THRB: variants seen among roughly 807,000 people sequenced by gnomAD.
THRB encodes thyroid hormone receptor beta.
A neutral mutation model predicts 47.8 loss-of-function variants in THRB; 12 were observed. The observed-to-expected ratio is 0.25, with a 90% CI of 0.16 to 0.41. The LOEUF (loss-of-function observed/expected upper bound fraction) is 0.41, where lower values mean the gene tolerates loss of function less well. THRB is among the 10% of genes least tolerant of loss of function. The pLI, the probability that THRB is intolerant of heterozygous loss-of-function variation, is 1.00. For missense variants in THRB, 348 were observed against 589.2 expected, an observed-to-expected ratio of 0.59 and a Z score of 4.24; for synonymous variants, 218 against 212.2, an observed-to-expected ratio of 1.03 and a Z score of -0.24.
At chr3:24,138,552 T>C (rs1414086282) in intron 8 of THRB, among the ~76,000 whole-genome samples, 1 of 152,134 alleles carries the variant, frequency 6.6e-6, no homozygotes, top group Admixed American at 6.5e-5. Context: ...CCCAAAGAAG[T>C]CACACTTAAA....
chr3:24,119,545 A>T lies in THRB; in HGVS notation c.*3339T>A, dbSNP rs2031266710. ...TGAGTCTGTGGGGGGCTTAGTGTCG[A>T]GGAGGGGCCAGGGCTTGTACCCCTG... On this transcript the variant is annotated 3_prime_UTR_variant, in exon 11 of 11. Coordinates refer to ENST00000646209, the MANE Select transcript of THRB (RefSeq NM_001354712.2). The T allele has an allele frequency of 6.6e-6, 1 of 152,168 alleles. No individual in the cohort carries two copies. Among genetic ancestry groups the T allele is most frequent in the Non-Finnish European group, 1.5e-5 (1 of 68,248 alleles). The allele number at this position is 152,168 out of a possible 1,614,324, so 9.4% of individuals were successfully genotyped here. A position where few individuals can be genotyped will look rare whatever the true frequency, so the allele number is the denominator to read the frequency against.
chr3:24,262,385 C>G (rs2052154273), intron 3 of THRB, among the ~76,000 whole-genome samples: 1 of 152,188 alleles, frequency 6.6e-6, no homozygotes, highest in Admixed American at 6.5e-5. Flanking sequence ...TCCCATGACT[C>G]CACAGGGCAA....
chr3:24,339,968 T>C (rs574830899), intron 1 of THRB, among the ~76,000 whole-genome samples: 7 of 152,254 alleles, frequency 4.6e-5, no homozygotes, highest in Non-Finnish European at 7.3e-5. Context: ...ATCTGTTTTG[T>C]AACTGATTCA....
intron 3 of THRB, among the ~76,000 whole-genome samples, chr3:24,286,499 T>C (rs906716074): frequency 1.3e-5 from 2 of 152,142 alleles, no homozygotes; most frequent in African/African-American, 4.8e-5. Flanking sequence ...TTAATGCATA[T>C]GGTTTAAGAT....
rs568829750 is a variant in THRB at position 24,488,935 on chromosome 3, A to G, written c.-261+5717T>C. Among the ~76,000 whole-genome samples, 45 of 152,366 alleles carry G rather than the reference A, an allele frequency of 3.0e-4. 2 individuals are homozygous for G. Among genetic ancestry groups the G allele is most frequent in the South Asian group, 1.7e-3 (8 of 4,828 alleles). On this transcript the variant is annotated intron_variant, in intron 1 of 10. Coordinates refer to ENST00000646209, the MANE Select transcript of THRB (RefSeq NM_001354712.2). ...ATTGCTTCTTAGAATAATTTTAAACATATCGATGGATGTTGGTCAATCAAT... is the reference window on the plus strand; with the variant it reads ...ATTGCTTCTTAGAATAATTTTAAACGTATCGATGGATGTTGGTCAATCAAT...
At chr3:24,152,721 G>A (rs768671155) in intron 5 of THRB, among the ~76,000 whole-genome samples, 15 of 151,976 alleles carry the variant, frequency 9.9e-5, no homozygotes, top group Non-Finnish European at 1.6e-4. Flanking sequence ...AGCACTTTGG[G>A]AGGCCCAGGC....
At chr3:24,269,362 AC>A in intron 3 of THRB, among the ~76,000 whole-genome samples, 1 of 145,780 alleles carries the variant, frequency 6.9e-6, no homozygotes, top group African/African-American at 2.6e-5. Context: ...GTGCAGCGAC[AC>A]CATCATAGCT....
chr3:24,166,655 GA>G (rs1310368368), intron 5 of THRB, among the ~76,000 whole-genome samples: 1 of 152,118 alleles, frequency 6.6e-6, no homozygotes. Flanking sequence ...AGGAAGGGCG[GA>G]TGCTGCTCTT....
At chr3:24,434,258 T>C (rs1325254946) in intron 1 of THRB, among the ~76,000 whole-genome samples, 1 of 152,128 alleles carries the variant, frequency 6.6e-6, no homozygotes, top group African/African-American at 2.4e-5. Context: ...GCTTTAAGGG[T>C]CCATATAGAT....
At chr3:24,361,844 C>T (rs1345146069) in intron 1 of THRB, among the ~76,000 whole-genome samples, 2 of 152,108 alleles carry the variant, frequency 1.3e-5, no homozygotes, top group Non-Finnish European at 2.9e-5. Context: ...GTTGAATTTG[C>T]TGGCATCAGC....
chr3:24,358,263 A>G (rs920453004), intron 1 of THRB, among the ~76,000 whole-genome samples: 5 of 152,204 alleles, frequency 3.3e-5, no homozygotes, highest in African/African-American at 1.2e-4. Flanking sequence ...ATGGCATTAT[A>G]TTTTTGCCAT....
At chr3:24,198,818 A>T (rs2044269002) in intron 4 of THRB, among the ~76,000 whole-genome samples, 1 of 152,124 alleles carries the variant, frequency 6.6e-6, no homozygotes. Flanking sequence ...TAAGCCTGCA[A>T]AATGGAGTGA....
At chr3:24,262,177 C>T (rs1248933125) in intron 3 of THRB, among the ~76,000 whole-genome samples, 1 of 152,176 alleles carries the variant, frequency 6.6e-6, no homozygotes, top group East Asian at 1.9e-4. Flanking sequence ...TTGTTCCATC[C>T]TCTGTCTTCC....
chr3:24,435,943 A>G (rs1039294169), intron 1 of THRB, among the ~76,000 whole-genome samples: 8 of 152,198 alleles, frequency 5.3e-5, no homozygotes, highest in East Asian at 1.9e-4. Context: ...GAAAGCAAAA[A>G]AGTACATAAA....
At chr3:24,444,634 G>A (rs941355605) in intron 1 of THRB, among the ~76,000 whole-genome samples, 32 of 152,096 alleles carry the variant, frequency 2.1e-4, no homozygotes, top group African/African-American at 6.5e-4. Flanking sequence ...ATGGAGTTTC[G>A]CTCTTGTTGC....
rs1415456382 is a variant in THRB, at chr3:24,190,187, T to A, written c.170A>T (p.His57Leu). The A allele has an allele frequency of 6.2e-7, 1 of 1,614,146 alleles. No individual in the cohort carries two copies. Among genetic ancestry groups the A allele is most frequent in the Non-Finnish European group, 8.5e-7 (1 of 1,180,000 alleles). Residue 57 changes from histidine (H) to leucine (L), a missense_variant, in exon 5 of 11, where the codon CAT becomes CTT. His to Leu is a moderately conservative substitution (Grantham distance 99). Transcript: ENST00000646209. The part of the protein sequence containing the change: ...STLKNEQSSP[H>L]LIQTTWTSSI... ...GCTAGTCCAAGTGGTCTGGATGAGA[T>A]GTGGCGACGACTGTTCATTTTTCAA...
At chr3:24,284,884 A>G (rs1310590015) in intron 3 of THRB, among the ~76,000 whole-genome samples, 1 of 152,208 alleles carries the variant, frequency 6.6e-6, no homozygotes, top group Non-Finnish European at 1.5e-5. Context: ...ACAAAGAGAT[A>G]CCATTTCACA....
chr3:24,254,462 A>C (rs1421595101), intron 3 of THRB, among the ~76,000 whole-genome samples: 1 of 152,088 alleles, frequency 6.6e-6, no homozygotes, highest in Non-Finnish European at 1.5e-5. Flanking sequence ...TACATATACT[A>C]TTGGCCTTAA....
At chr3:24,204,253 C>G (rs552922299) in intron 4 of THRB, among the ~76,000 whole-genome samples, 1 of 152,254 alleles carries the variant, frequency 6.6e-6, no homozygotes, top group African/African-American at 2.4e-5. Flanking sequence ...AGGCACCCCC[C>G]AGTAGGGGCA....
Sources: gnomAD v4.1 joint callset for allele counts (sites outside exome capture counted in the v4.1 genomes callset) on GRCh38, gnomAD v4.1.1 for gene constraint, MANE v1.5 for transcripts, NCBI Gene and HGNC (gene_info 2026-07-23, HGNC 2026-07-21) for gene names.